The following SPATA18 variants were observed in gnomAD, a reference collection of about 807,000 sequenced individuals.
SPATA18 encodes the protein spermatogenesis associated 18.
A neutral mutation model predicts 68.1 loss-of-function variants in SPATA18; 54 were observed. That is an observed-to-expected ratio of 0.79 (90% CI 0.64 to 0.99). The LOEUF (loss-of-function observed/expected upper bound fraction) is 0.99. SPATA18 is among the 50% of genes least tolerant of loss of function. The pLI, the probability that SPATA18 is intolerant of heterozygous loss-of-function variation, is 0.00. For synonymous variants in SPATA18, 242 were observed against 244.8 expected (o/e 0.99, Z 0.11); for missense variants, 724 against 681.1 (o/e 1.06, Z -0.70).
intron 10 of SPATA18, chr4:52,083,348 C>G (rs1243832105): frequency 2.4e-5 from 24 of 985,214 alleles, no homozygotes; most frequent in Non-Finnish European, 2.9e-5. Flanking sequence ...TTCACACATA[C>G]AGTGGAGAAG....
At position 52,097,221 on chromosome 4, in the gene SPATA18, C is replaced by T. The variant is rs1345588367; in HGVS notation, c.*2334C>T. ...GTTAGTTTCTAGATTTTCGGCTTAA[C>T]ATCTAATAATAACATTTAAAAAGTG... On this transcript the variant is annotated 3_prime_UTR_variant, in exon 13 of 13. Transcript: ENST00000295213. The T allele has an allele frequency of 6.6e-6, 1 of 152,148 alleles. No homozygotes were observed. The allele number at this position is 152,148 out of a possible 1,614,324, so 9.4% of individuals were successfully genotyped here. A position where few individuals can be genotyped will look rare whatever the true frequency, so the allele number is the denominator to read the frequency against.
Position 52,078,716 on chromosome 4 carries a change from G to T in SPATA18, c.1021-19G>T. The T allele has an allele frequency of 6.7e-7, 1 of 1,502,260 alleles. No homozygotes were observed. The highest frequency in any genetic ancestry group is 9.0e-7 in the Non-Finnish European group (1 of 1,107,636). 93.1% of individuals were successfully genotyped at this position (1,502,260 alleles called of 1,614,324 possible). On this transcript the variant is annotated intron_variant, in intron 7 of 12. Transcript: ENST00000295213. ...CTACCTCTTTTCACCAAATAAATTT[G>T]CTGCATTTTTATGTGCAGGAGGCAT...
chr4:52,070,279 T>C (rs960617857), intron 5 of SPATA18, among the ~76,000 whole-genome samples: 2 of 152,068 alleles, frequency 1.3e-5, no homozygotes, highest in Non-Finnish European at 2.9e-5. Context: ...TCTCTATCAC[T>C]AAGAAAAAAT....
At position 52,083,599 on chromosome 4, in the gene SPATA18, G is replaced by T. The variant is rs1479675801; in HGVS notation, c.1479+1089G>T. The T allele has an allele frequency of 8.0e-6, 4 of 501,518 alleles. No homozygotes were observed. The Admixed American group carries it at 2.6e-4, about 32-fold the overall frequency. The allele number at this position is 501,518 out of a possible 1,614,324, so 31.1% of individuals were successfully genotyped here. ...ATCTCTACAAAAAATAAACAAATTA[G>T]CTGGGCATCGTGGTGCATACCTGTA... On this transcript the variant is annotated intron_variant, in intron 10 of 12. Transcript: ENST00000295213.
At chr4:52,060,651 T>C in intron 2 of SPATA18, 127 bp downstream of exon 2, 3 of 1,131,232 alleles carry the variant, frequency 2.7e-6, no homozygotes, top group Admixed American at 2.2e-5. Context: ...CTGATGTGTG[T>C]ATTCTCTCTT....
chr4:52,053,459 T>C (rs1738072246), intron 1 of SPATA18, among the ~76,000 whole-genome samples: 1 of 152,184 alleles, frequency 6.6e-6, no homozygotes, highest in Admixed American at 6.5e-5. Flanking sequence ...ACACCTGTAT[T>C]CTTCCCCCTC....
chr4:52,094,592 A>T lies in SPATA18; in HGVS notation c.1609+20A>T. On this transcript the variant is annotated intron_variant, in intron 12 of 12. Transcript: ENST00000295213. ...TGCCAAGTAAGTGGGATTAGTTCAG[A>T]TGGATCAAATTTTCTGCTTTTTAAT... 1.9e-6 allele frequency: 3 copies of T among 1,612,788 alleles called. No individual in the cohort carries two copies. Among genetic ancestry groups the T allele is most frequent in the Non-Finnish European group, 2.5e-6 (3 of 1,179,008 alleles).
chr4:52,060,947 C>A (rs999634), intron 3 of SPATA18, 50 bp downstream of exon 3: 788,828 of 1,467,922 alleles, frequency 0.54, 220,986 homozygotes, highest in Admixed American at 0.6. Context: ...TGAGATAAAA[C>A]GAATCAGAAA....
Position 52,078,911 on chromosome 4 carries a change from T to C in SPATA18, c.1179+18T>C, listed in dbSNP as rs762550874. The stretch of plus-strand genomic sequence containing the variant: ...GTGTCAATGTAAGTGTTGAGTCTTT[T>C]ATTAGGACTGGTTTGCTGCTGCTGC... On this transcript the variant is annotated intron_variant, in intron 8 of 12. Transcript: ENST00000295213. 9.0e-6 allele frequency: 14 copies of C among 1,549,946 alleles called. No individual in the cohort carries two copies. Among genetic ancestry groups the C allele is most frequent in the African/African-American group, 1.3e-5 (1 of 74,086 alleles).
chr4:52,068,567 C>T lies in SPATA18; in HGVS notation c.423-1254C>T, dbSNP rs887091755. ...GGAAGCAGGTGGGGGATGGAATTTT[C>T]GGTGTCTGGTTAGGATCTGTGGGAT... On this transcript the variant is annotated intron_variant, in intron 4 of 12. Coordinates refer to ENST00000295213, the MANE Select transcript of SPATA18 (RefSeq NM_145263.4). Among the ~76,000 whole-genome samples the T allele has an allele frequency of 1.1e-4, 16 of 152,248 alleles. No individual in the cohort carries two copies. The South Asian group carries it at 1.2e-3, about 12-fold the overall frequency.
At chr4:52,080,378 C>T (rs1740815603) in intron 9 of SPATA18, among the ~76,000 whole-genome samples, 1 of 152,078 alleles carries the variant, frequency 6.6e-6, no homozygotes, top group East Asian at 1.9e-4. Context: ...TAACAAGCAC[C>T]CAGGTGTTCC....
chr4:52,061,876 T>A (rs2109422842), intron 3 of SPATA18, among the ~76,000 whole-genome samples: 1 of 152,308 alleles, frequency 6.6e-6, no homozygotes, highest in South Asian at 2.1e-4. Context: ...ATTCTAGGTA[T>A]AAAGATGTAG....
rs1008196303 is a variant in SPATA18, at chr4:52,095,803, T to C, written c.*916T>C. The stretch of plus-strand genomic sequence containing the variant: ...ACTACTTAAACTCAAGGCCCAAAAC[T>C]AGGGGCACCATTTACTGATTTTAAA... On this transcript the variant is annotated 3_prime_UTR_variant, in exon 13 of 13. Transcript: ENST00000295213. 6.6e-6 allele frequency: 1 copy of C among 152,204 alleles called. No individual in the cohort carries two copies. Among genetic ancestry groups the C allele is most frequent in the Non-Finnish European group, 1.5e-5 (1 of 68,042 alleles). 9.4% of individuals were successfully genotyped at this position (152,204 alleles called of 1,614,324 possible).
At chr4:52,084,021 G>A (rs1469284772) in intron 10 of SPATA18, among the ~76,000 whole-genome samples, 1 of 145,750 alleles carries the variant, frequency 6.9e-6, no homozygotes, top group Admixed American at 7.0e-5. Flanking sequence ...TTACAGGCAT[G>A]AACCACCACA....
intron 7 of SPATA18, among the ~76,000 whole-genome samples, chr4:52,077,650 C>T (rs1453445535): frequency 2.6e-5 from 4 of 152,078 alleles, no homozygotes; most frequent in African/African-American, 9.7e-5. Flanking sequence ...AGCATATGCA[C>T]ACACAGTGGA....
intron 6 of SPATA18, among the ~76,000 whole-genome samples, chr4:52,076,549 A>G (rs375348553): frequency 6.6e-6 from 1 of 152,162 alleles, no homozygotes; most frequent in Non-Finnish European, 1.5e-5. Flanking sequence ...ATTTTTAAGA[A>G]CGCATGCATT....
chr4:52,082,143 T>A (rs1048511804), intron 9 of SPATA18, among the ~76,000 whole-genome samples: 4 of 18,236 alleles, frequency 2.2e-4, no homozygotes, highest in Admixed American at 1.5e-3. Flanking sequence ...GCAACTCTTG[T>A]AATCCTGAGA....
At chr4:52,063,971 T>A (rs1739107139) in intron 4 of SPATA18, among the ~76,000 whole-genome samples, 1 of 151,898 alleles carries the variant, frequency 6.6e-6, no homozygotes, top group Admixed American at 6.6e-5. Flanking sequence ...GGGGCCAGGG[T>A]TTCCCACTTC....
In SPATA18 at chr4:52,076,997, A is replaced by G. The variant is rs922883379; in HGVS notation, c.977A>G (p.Asp326Gly). 1 of 1,612,448 alleles carries G rather than the reference A, an allele frequency of 6.2e-7. No homozygotes were observed. Among genetic ancestry groups the G allele is most frequent in the Admixed American group, 1.7e-5 (1 of 59,806 alleles). ...DAQCLLRRCI[D>G]KAETVQRIIY... ...CAGTGCCTGCTGCGGCGCTGCATCG[A>G]CAAGGCTGAGACCGTTCAGCGGATC... The change falls in exon 7 of 13, where the codon GAC becomes GGC. Residue 326 changes from aspartate (D) to glycine (G), a missense_variant. Transcript: ENST00000295213.
Sources: allele counts gnomAD v4.1 joint callset (sites outside exome capture counted in the v4.1 genomes callset), GRCh38; gene constraint gnomAD v4.1.1; transcripts MANE v1.5; gene names NCBI Gene and HGNC (gene_info 2026-07-23, HGNC 2026-07-21).